The following DAPK1 variants were observed in gnomAD, a reference collection of about 807,000 sequenced individuals.
DAPK1 encodes death associated protein kinase 1, also known as death-associated protein kinase 1.
A neutral mutation model predicts 144.9 loss-of-function variants in DAPK1; 56 were observed. The ratio of observed to expected loss-of-function variants is 0.39; its 90% CI spans 0.31 to 0.48. The LOEUF (loss-of-function observed/expected upper bound fraction) is 0.48. Among genes scored for constraint, DAPK1 ranks in the 20% least tolerant of loss-of-function variants. DAPK1 has a pLI of 0.95. For missense variants in DAPK1, 1,454 were observed against 1,875.4 expected (o/e 0.78, Z 4.15); for synonymous variants, 690 against 749.0 (o/e 0.92, Z 1.29).
intron 2 of DAPK1, among the ~76,000 whole-genome samples, chr9:87,580,933 A>T (rs1006555791): frequency 2.6e-5 from 4 of 152,182 alleles, no homozygotes; most frequent in Non-Finnish European, 4.4e-5. Flanking sequence ...CCCTTTGTAC[A>T]ACTTGACATT....
intron 24 of DAPK1, among the ~76,000 whole-genome samples, chr9:87,700,712 G>T (rs1449001469): frequency 6.6e-6 from 1 of 151,984 alleles, no homozygotes; most frequent in African/African-American, 2.4e-5. Context: ...TGTTGCCCAG[G>T]CTGGTCTCGA....
chr9:87,533,823 C>T (rs941438670), intron 2 of DAPK1, among the ~76,000 whole-genome samples: 5 of 152,102 alleles, frequency 3.3e-5, no homozygotes, highest in South Asian at 2.1e-4. Context: ...CCTCCATGCC[C>T]GGCTAATTTT....
chr9:87,679,164 G>C (rs1373500432), intron 19 of DAPK1, among the ~76,000 whole-genome samples: 1 of 152,076 alleles, frequency 6.6e-6, no homozygotes, highest in Admixed American at 6.5e-5. Context: ...TTCTACACCT[G>C]CCAGGGCTGG....
intron 2 of DAPK1, among the ~76,000 whole-genome samples, chr9:87,588,139 G>A (rs189116363): frequency 6.6e-6 from 1 of 152,358 alleles, no homozygotes; most frequent in Admixed American, 6.5e-5. Context: ...TGCCTCCAAA[G>A]TGCATAAGTC....
chr9:87,578,926 T>C (rs1280056773), intron 2 of DAPK1, among the ~76,000 whole-genome samples: 5 of 152,264 alleles, frequency 3.3e-5, no homozygotes, highest in Admixed American at 6.5e-5. Flanking sequence ...TTATTGTATC[T>C]GGGCTTCATC....
chr9:87,568,005 T>A (rs1827193271), intron 2 of DAPK1, among the ~76,000 whole-genome samples: 4 of 152,184 alleles, frequency 2.6e-5, no homozygotes, highest in Admixed American at 2.0e-4. Context: ...CGGTCCAAGG[T>A]CTCATGGCTA....
intron 19 of DAPK1, among the ~76,000 whole-genome samples, chr9:87,672,183 A>G (rs1299749037): frequency 1.3e-5 from 2 of 152,186 alleles, no homozygotes; most frequent in African/African-American, 4.8e-5. Context: ...ACCACTCTGG[A>G]ACAGCTGTGA....
intron 2 of DAPK1, among the ~76,000 whole-genome samples, chr9:87,586,788 G>C (rs372818764): frequency 5.9e-5 from 9 of 152,268 alleles, no homozygotes; most frequent in African/African-American, 1.9e-4. Flanking sequence ...AAGTTAATTC[G>C]AGTGTCCTAA....
Position 87,515,005 on chromosome 9 carries a change from G to A in DAPK1, c.62+15866G>A, listed in dbSNP as rs549363566. Among the ~76,000 whole-genome samples the A allele has an allele frequency of 3.3e-5, 5 of 152,258 alleles. No individual in the cohort carries two copies. In the East Asian group the frequency reaches 9.6e-4, roughly 29 times the overall value. The stretch of plus-strand genomic sequence containing the variant: ...CTGGGAGAGACACTGACAAACTTGG[G>A]GGAGTCCAAAGAAGGCAAAAGCTGG... On this transcript the variant is annotated intron_variant, in intron 2 of 25. Transcript: ENST00000408954.
intron 2 of DAPK1, among the ~76,000 whole-genome samples, chr9:87,544,111 T>C (rs1826151933): frequency 6.6e-6 from 1 of 152,216 alleles, no homozygotes; most frequent in Non-Finnish European, 1.5e-5. Flanking sequence ...TAATTCATTA[T>C]CTAAATTTTA....
intron 2 of DAPK1, among the ~76,000 whole-genome samples, chr9:87,513,588 G>T (rs1439018881): frequency 6.6e-6 from 1 of 152,180 alleles, no homozygotes. Flanking sequence ...CTGGAGGTAG[G>T]TATTGTAATT....
At chr9:87,525,443 G>A (rs1227388975) in intron 2 of DAPK1, 8 of 1,608,370 alleles carry the variant, frequency 5.0e-6, no homozygotes, top group African/African-American at 1.3e-5. Flanking sequence ...CCGTCAGTAC[G>A]CGAAGGATAT....
At chr9:87,545,882 T>C (rs912919405) in intron 2 of DAPK1, among the ~76,000 whole-genome samples, 1 of 152,174 alleles carries the variant, frequency 6.6e-6, no homozygotes, top group Non-Finnish European at 1.5e-5. Context: ...CATCTGATTG[T>C]CTCATCAGTT....
chr9:87,512,837 C>CA lies in DAPK1; in HGVS notation c.62+13699dup, dbSNP rs1824901867. ...TGTATTTTTAGTAGACACAGGGTTT[C>CA]ACCATGTTGACCAGGCTGGTCTCGA... On this transcript the variant is annotated intron_variant, in intron 2 of 25. Coordinates refer to ENST00000408954, the MANE Select transcript of DAPK1 (RefSeq NM_004938.4). Among the ~76,000 whole-genome samples, 5 of 152,228 alleles carry CA rather than the reference C, an allele frequency of 3.3e-5. No homozygotes were observed. The South Asian group carries it at 1.0e-3, about 32-fold the overall frequency.
rs199670912 is a variant in DAPK1, at chr9:87,637,999, A to G, written c.341A>G (p.Glu114Gly). 5.0e-6 allele frequency: 8 copies of G among 1,614,202 alleles called. No homozygotes were observed. The Admixed American group carries it at 6.7e-5, about 13-fold the overall frequency. Residue 114 changes from glutamate (E) to glycine (G), a missense_variant, in exon 4 of 26, where the codon GAG becomes GGG. Coordinates refer to ENST00000408954, the MANE Select transcript of DAPK1 (RefSeq NM_004938.4). ...FLAEKESLTEEEATEFLKQIL... is the reference protein window; with the variant it reads ...FLAEKESLTEGEATEFLKQIL... ...GCTGAAAAGGAATCTTTAACTGAAG[A>G]GGAAGCAACTGAATTTCTCAAACAA...
At chr9:87,591,456 CAGAT>C (rs1828129746) in intron 2 of DAPK1, among the ~76,000 whole-genome samples, 1 of 152,164 alleles carries the variant, frequency 6.6e-6, no homozygotes, top group African/African-American at 2.4e-5. Flanking sequence ...ACAATTTAAA[CAGAT>C]AGGTAGTCAG....
At chr9:87,585,474 A>C (rs1041666353) in intron 2 of DAPK1, among the ~76,000 whole-genome samples, 2 of 152,262 alleles carry the variant, frequency 1.3e-5, no homozygotes, top group Non-Finnish European at 2.9e-5. Context: ...ATCTTAGTGC[A>C]CACAAATTAC....
At chr9:87,643,556 A>T (rs1371335507) in intron 11 of DAPK1, 88 bp downstream of exon 11, 4 of 888,840 alleles carry the variant, frequency 4.5e-6, no homozygotes, top group Non-Finnish European at 7.2e-6. Context: ...ACCTCCCAGG[A>T]ACCTGAAGTT....
chr9:87,536,073 A>G (rs995381173), intron 2 of DAPK1, among the ~76,000 whole-genome samples: 1 of 152,154 alleles, frequency 6.6e-6, no homozygotes, highest in African/African-American at 2.4e-5. Context: ...TGATTCATTT[A>G]TGTTCTTTCT....
Sources: allele counts gnomAD v4.1 joint callset (sites outside exome capture counted in the v4.1 genomes callset), GRCh38; gene constraint gnomAD v4.1.1; transcripts MANE v1.5; gene names NCBI Gene and HGNC (gene_info 2026-07-23, HGNC 2026-07-21).